ARID1B: variants seen among roughly 807,000 people sequenced by gnomAD.
ARID1B encodes the protein AT-rich interaction domain 1B, also known as AT-rich interactive domain-containing protein 1B.
Under a neutral mutation model 212.3 loss-of-function variants are expected in ARID1B, and 30 were observed. The observed-to-expected ratio is 0.14, with a 90% CI of 0.11 to 0.19. The LOEUF (loss-of-function observed/expected upper bound fraction) is 0.19. Among genes scored for constraint, ARID1B ranks in the 10% least tolerant of loss-of-function variants. The pLI, the probability that ARID1B is intolerant of heterozygous loss-of-function variation, is 1.00. For missense variants in ARID1B, 2,891 were observed against 3,204.0 expected (o/e 0.90, Z 2.36); for synonymous variants, 1,402 against 1,301.7 (o/e 1.08, Z -1.66).
chr6:156,996,186 C>T (rs1254796799), intron 4 of ARID1B, among the ~76,000 whole-genome samples: 1 of 152,144 alleles, frequency 6.6e-6, no homozygotes, highest in Non-Finnish European at 1.5e-5. Flanking sequence ...GTAATCTAAG[C>T]CACAGGCTGG....
At chr6:156,929,648 A>G (rs1437623324) in intron 3 of ARID1B, among the ~76,000 whole-genome samples, 2 of 152,222 alleles carry the variant, frequency 1.3e-5, no homozygotes, top group Non-Finnish European at 2.9e-5. Flanking sequence ...TCTTCCTAGC[A>G]TATCTATACT....
In ARID1B at chr6:157,005,132, TTTGTTG is replaced by T. The variant is rs150174504; in HGVS notation, c.2247+69586_2247+69591del. Among the ~76,000 whole-genome samples, 239 of 148,930 alleles carry T rather than the reference TTTGTTG, an allele frequency of 1.6e-3. 2 individuals are homozygous for T. In the East Asian group the frequency reaches 0.021, roughly 13 times the overall value. On this transcript the variant is annotated intron_variant, in intron 4 of 19. Transcript: ENST00000636930. ...TTTCACCATGTTGGCCAGGCTGTTT[TTTGTTG>T]TTGTTGTTGTTGTTGTTGTTGTTGT...
At chr6:157,100,612 T>C (rs1785990904) in intron 5 of ARID1B, among the ~76,000 whole-genome samples, 2 of 152,258 alleles carry the variant, frequency 1.3e-5, no homozygotes, top group Admixed American at 6.5e-5. Flanking sequence ...ATTTGTTGAA[T>C]GTATGGATTA....
rs1400244452 is a variant in ARID1B at position 157,210,744 on chromosome 6, A to G, written c.*2853A>G. ...AAGATAAAAAATAAAGGTGCAAAGA[A>G]AGTTTAGTATTTTGGAATGGTGCTA... On this transcript the variant is annotated 3_prime_UTR_variant, in exon 20 of 20. Transcript: ENST00000636930. The G allele has an allele frequency of 8.6e-6, 2 of 231,438 alleles. No homozygotes were observed. The highest frequency in any genetic ancestry group is 1.7e-5 in the Non-Finnish European group (2 of 117,156). 14.3% of individuals were successfully genotyped at this position (231,438 alleles called of 1,614,324 possible).
intron 1 of ARID1B, among the ~76,000 whole-genome samples, chr6:156,824,500 C>T (rs1367613142): frequency 6.6e-6 from 1 of 152,222 alleles, no homozygotes; most frequent in Non-Finnish European, 1.5e-5. Flanking sequence ...CGCAGCGGCT[C>T]ACGCCTGTAA....
chr6:156,840,464 C>T (rs568748455), intron 2 of ARID1B, among the ~76,000 whole-genome samples: 1 of 152,238 alleles, frequency 6.6e-6, no homozygotes, highest in Non-Finnish European at 1.5e-5. Flanking sequence ...CCGTACATGG[C>T]ATTTCACAAA....
Position 156,959,802 on chromosome 6 carries a change from C to T in ARID1B, c.2247+24226C>T, listed in dbSNP as rs545226150. Among the ~76,000 whole-genome samples the T allele has an allele frequency of 1.4e-3, 210 of 152,244 alleles. 1 individual carries two copies. The highest frequency in any genetic ancestry group is 2.0e-3 in the Non-Finnish European group (133 of 68,010). ...AAAATATGTCCACCATCCCCTGCTG[C>T]CTTTCGATCCGTGGTGGCAGGCGGG... is the stretch of plus-strand genomic sequence containing the variant. On this transcript the variant is annotated intron_variant, in intron 4 of 19. Coordinates refer to ENST00000636930, the MANE Select transcript of ARID1B (RefSeq NM_001374828.1).
chr6:156,840,600 G>T (rs1044651333), intron 2 of ARID1B, among the ~76,000 whole-genome samples: 1 of 152,234 alleles, frequency 6.6e-6, no homozygotes, highest in African/African-American at 2.4e-5. Flanking sequence ...TTCGCTCCGA[G>T]ATTAGGCTCA....
chr6:157,064,736 G>A (rs1490886201), intron 4 of ARID1B, among the ~76,000 whole-genome samples: 1 of 152,154 alleles, frequency 6.6e-6, no homozygotes, highest in Non-Finnish European at 1.5e-5. Context: ...TTCGGCCCTG[G>A]TGGATCCAGC....
chr6:157,073,971 G>C (rs563909122), intron 4 of ARID1B, among the ~76,000 whole-genome samples: 43 of 152,252 alleles, frequency 2.8e-4, no homozygotes, highest in Non-Finnish European at 5.7e-4. Context: ...TGTGGCTCAG[G>C]CCTTTGCCCA....
intron 2 of ARID1B, among the ~76,000 whole-genome samples, chr6:156,853,699 C>T (rs567937644): frequency 6.6e-6 from 1 of 152,234 alleles, no homozygotes; most frequent in Admixed American, 6.5e-5. Context: ...CTGCATCTGT[C>T]AGATGGGTCT....
At chr6:156,999,505 G>C (rs1354003023) in intron 4 of ARID1B, among the ~76,000 whole-genome samples, 2 of 152,246 alleles carry the variant, frequency 1.3e-5, no homozygotes, top group Non-Finnish European at 2.9e-5. Flanking sequence ...AAGAGCTGCT[G>C]TCACATGGGG....
At chr6:157,078,438 T>C (rs75149193) in intron 4 of ARID1B, among the ~76,000 whole-genome samples, 1 of 152,308 alleles carries the variant, frequency 6.6e-6, no homozygotes, top group African/African-American at 2.4e-5. Context: ...GCCCATACTA[T>C]GTTGAGAGGT....
At chr6:156,982,804 T>C (rs1435428200) in intron 4 of ARID1B, among the ~76,000 whole-genome samples, 1 of 152,236 alleles carries the variant, frequency 6.6e-6, no homozygotes, top group Non-Finnish European at 1.5e-5. Flanking sequence ...CATGTTATTA[T>C]TTTTTACAAT....
At chr6:156,966,070 G>T (rs1477217303) in intron 4 of ARID1B, among the ~76,000 whole-genome samples, 1 of 152,128 alleles carries the variant, frequency 6.6e-6, no homozygotes, top group Non-Finnish European at 1.5e-5. Context: ...AGGATGTTTT[G>T]CCTATTTTCT....
chr6:156,848,779 G>T (rs921448434), intron 2 of ARID1B, among the ~76,000 whole-genome samples: 1 of 152,220 alleles, frequency 6.6e-6, no homozygotes, highest in South Asian at 2.1e-4. Flanking sequence ...GTGCCGGGGG[G>T]CCTTCTCTGG....
Position 156,778,933 on chromosome 6 carries a change from G to T in ARID1B, c.1253G>T (p.Gly418Val). Residue 418 changes from glycine to valine, a missense_variant, in exon 1 of 20, where the codon GGA (glycine) becomes GTA (valine). This residue lies in a region of ARID1B where 1,643 missense variants were observed against 1,544.0 expected (regional missense o/e 1.06). Transcript: ENST00000636930. ...GGGGAGAGGA[G>V]AGAVAAAAAA... The stretch of plus-strand genomic sequence containing the variant: ...GGAGGAGCAGGAGCAGGAGGAGCAG[G>T]AGCGGGAGCTGTGGCGGCGGCGGCC... 7.6e-7 allele frequency: 1 copy of T among 1,308,062 alleles called. No individual in the cohort carries two copies. The allele number at this position is 1,308,062 out of a possible 1,614,324, so 81.0% of individuals were successfully genotyped here. A position where few individuals can be genotyped will look rare whatever the true frequency, so the allele number is the denominator to read the frequency against.
intron 4 of ARID1B, among the ~76,000 whole-genome samples, chr6:157,004,029 G>A (rs976648486): frequency 6.6e-6 from 1 of 151,894 alleles, no homozygotes; most frequent in Non-Finnish European, 1.5e-5. Flanking sequence ...AAAACCCTGT[G>A]TCAAAACAAA....
intron 2 of ARID1B, among the ~76,000 whole-genome samples, chr6:156,844,274 A>G (rs1342737554): frequency 6.6e-6 from 1 of 152,212 alleles, no homozygotes; most frequent in Non-Finnish European, 1.5e-5. Context: ...TTGTTTAAGA[A>G]GAGAAACTGT....
Sources: allele counts gnomAD v4.1 joint callset (sites outside exome capture counted in the v4.1 genomes callset), GRCh38; gene constraint gnomAD v4.1.1; regional missense constraint gnomAD v4.1.1; transcripts MANE v1.5; gene names NCBI Gene and HGNC (gene_info 2026-07-23, HGNC 2026-07-21).